The following HRH1 variants were observed in gnomAD, a reference collection of about 807,000 sequenced individuals.
HRH1 encodes the protein histamine H1 receptor.
In HRH1, 6 loss-of-function variants were observed where a neutral mutation model predicts 10.3. The ratio of observed to expected loss-of-function variants is 0.58; its 90% CI spans 0.32 to 1.15. The LOEUF is 1.15. Ranked by LOEUF, HRH1 falls within the 50% of genes most tolerant of loss-of-function variation. The pLI is 0.05. For synonymous variants in HRH1, 242 were observed against 236.7 expected, an observed-to-expected ratio of 1.02 and a Z score of -0.21; for missense variants, 514 against 615.3, an observed-to-expected ratio of 0.84 and a Z score of 1.74.
At chr3:11,241,806 A>G (rs1230279371) in intron 1 of HRH1, among the ~76,000 whole-genome samples, 1 of 151,304 alleles carries the variant, frequency 6.6e-6, no homozygotes, top group Non-Finnish European at 1.5e-5. Context: ...ACTGCATTCC[A>G]GCCTGGGGGA....
intron 1 of HRH1, among the ~76,000 whole-genome samples, chr3:11,157,677 A>G (rs1936840126): frequency 6.6e-6 from 1 of 152,174 alleles, no homozygotes; most frequent in African/African-American, 2.4e-5. Context: ...CTCCAGTGAT[A>G]ATGCAGGGGG....
At chr3:11,167,260 C>T (rs1265047158) in intron 1 of HRH1, among the ~76,000 whole-genome samples, 1 of 148,204 alleles carries the variant, frequency 6.7e-6, no homozygotes, top group African/African-American at 2.5e-5. Flanking sequence ...TTCTCCAGGC[C>T]CGTGACATCT....
chr3:11,234,211 T>G, intron 1 of HRH1: 3 of 1,287,892 alleles, frequency 2.3e-6, no homozygotes, highest in Non-Finnish European at 3.2e-6. Context: ...TTGCAAAAGG[T>G]CCACTCCAAA....
chr3:11,256,577 G>T (rs1207552420), intron 1 of HRH1, among the ~76,000 whole-genome samples: 2 of 152,104 alleles, frequency 1.3e-5, no homozygotes, highest in African/African-American at 4.8e-5. Context: ...GAGGTGGGTG[G>T]ATCATGAGGT....
At position 11,234,432 on chromosome 3, in the gene HRH1, C is replaced by T. The variant is rs148454362; in HGVS notation, c.-35-24571C>T. ...CGGAACCGGTCTACACAGTCTGACC[C>T]CTTGATCTCCTCCGTGCTATAGTGG... On this transcript the variant is annotated intron_variant, in intron 1 of 1. Transcript: ENST00000431010. 456 of 1,603,626 alleles carry T rather than the reference C, an allele frequency of 2.8e-4. 2 individuals are homozygous for T. The highest frequency in any genetic ancestry group is 2.7e-3 in the African/African-American group (203 of 74,814).
intron 1 of HRH1, chr3:11,252,796 G>A (rs376442407): frequency 2.0e-5 from 3 of 152,158 alleles, no homozygotes; most frequent in Admixed American, 2.0e-4. Context: ...GCTTCTAAAG[G>A]AATAGGGTAT....
chr3:11,227,318 G>A (rs977673189), intron 1 of HRH1, among the ~76,000 whole-genome samples: 5 of 149,430 alleles, frequency 3.3e-5, no homozygotes, highest in Admixed American at 1.3e-4. Context: ...GCGGAGTCTC[G>A]CTCTGTCCCC....
chr3:11,196,147 A>T (rs576027505), intron 1 of HRH1, among the ~76,000 whole-genome samples: 15 of 152,220 alleles, frequency 9.9e-5, no homozygotes, highest in African/African-American at 3.6e-4. Flanking sequence ...TGGTGTTCTT[A>T]GGCTGGAGGC....
intron 1 of HRH1, among the ~76,000 whole-genome samples, chr3:11,144,416 T>G (rs1936367526): frequency 6.7e-6 from 1 of 150,306 alleles, no homozygotes; most frequent in African/African-American, 2.4e-5. Context: ...CATACATCTA[T>G]AGGTATATAT....
Position 11,191,497 on chromosome 3 carries a change from A to G in HRH1, c.-36+36943A>G, listed in dbSNP as rs887797320. Among the ~76,000 whole-genome samples the G allele has an allele frequency of 6.6e-5, 10 of 152,340 alleles. No homozygotes were observed. The East Asian group carries it at 1.5e-3, about 24-fold the overall frequency. On this transcript the variant is annotated intron_variant, in intron 1 of 1. Coordinates refer to ENST00000431010, the MANE Select transcript of HRH1 (RefSeq NM_001098212.2). ...GAAGATGGGATTGGTTTGGCAAACC[A>G]TATCTCTTAACTTGCCTGAGTGTCT...
At chr3:11,250,128 C>T (rs1227750841) in intron 1 of HRH1, among the ~76,000 whole-genome samples, 1 of 146,828 alleles carries the variant, frequency 6.8e-6, no homozygotes, top group African/African-American at 2.5e-5. Flanking sequence ...CTGCAGGCTC[C>T]GACTCCCGCG....
At chr3:11,157,066 G>C (rs1166847077) in intron 1 of HRH1, among the ~76,000 whole-genome samples, 1 of 152,240 alleles carries the variant, frequency 6.6e-6, no homozygotes, top group African/African-American at 2.4e-5. Flanking sequence ...ACGCAGTGCA[G>C]CTTGAACTTT....
chr3:11,195,464 C>T (rs1211131139), intron 1 of HRH1, among the ~76,000 whole-genome samples: 9 of 152,142 alleles, frequency 5.9e-5, no homozygotes, highest in Non-Finnish European at 1.3e-4. Context: ...TCCTCAATCC[C>T]CCACCACTGG....
intron 1 of HRH1, among the ~76,000 whole-genome samples, chr3:11,198,897 TCTTTA>T (rs1347471063): frequency 7.2e-6 from 1 of 138,890 alleles, no homozygotes; most frequent in Non-Finnish European, 1.5e-5. Context: ...ACTCTCTCTC[TCTTTA>T]TACACACACA....
At chr3:11,194,117 G>C (rs985627504) in intron 1 of HRH1, among the ~76,000 whole-genome samples, 3 of 152,212 alleles carry the variant, frequency 2.0e-5, no homozygotes, top group Non-Finnish European at 4.4e-5. Context: ...GGGATAAAAT[G>C]GGCTGTGCCC....
intron 1 of HRH1, among the ~76,000 whole-genome samples, chr3:11,250,208 A>ATTTTTT (rs71055857): frequency 6.5e-5 from 7 of 106,888 alleles, no homozygotes; most frequent in Admixed American, 9.9e-5. Context: ...CACCCGGCTA[A>ATTTTTT]TTTTTTTTTT....
intron 1 of HRH1, among the ~76,000 whole-genome samples, chr3:11,204,762 G>A (rs1348699551): frequency 6.6e-6 from 1 of 152,194 alleles, no homozygotes; most frequent in Non-Finnish European, 1.5e-5. Context: ...GCTCAGAAAG[G>A]GTCAGTCCTC....
Position 11,259,605 on chromosome 3 carries a change from T to C in HRH1, c.568T>C (p.Phe190Leu), listed in dbSNP as rs1474152955. 6.2e-7 allele frequency: 1 copy of C among 1,613,972 alleles called. No homozygotes were observed. ...CETDFYDVTW[F>L]KVMTAIINFY... ...GACAGACTTCTATGATGTCACCTGG[T>C]TCAAGGTCATGACTGCCATCATCAA... The change falls in exon 2 of 2, where the codon TTC (phenylalanine) becomes CTC (leucine). Residue 190 changes from phenylalanine to leucine, a missense_variant. By Grantham distance (22) the Phe-to-Leu change is conservative (BLOSUM62 0). Coordinates refer to ENST00000431010, the MANE Select transcript of HRH1 (RefSeq NM_001098212.2). The surrounding 1 kb of genome is among the most constrained non-coding windows in gnomAD (Gnocchi z 4.6).
At chr3:11,174,030 C>T (rs1377767536) in intron 1 of HRH1, among the ~76,000 whole-genome samples, 1 of 152,240 alleles carries the variant, frequency 6.6e-6, no homozygotes, top group Non-Finnish European at 1.5e-5. Context: ...AAAACTCCTA[C>T]TCATCCTTCA....
Sources: gnomAD v4.1 joint callset for allele counts (sites outside exome capture counted in the v4.1 genomes callset) on GRCh38, gnomAD v4.1.1 for gene constraint, Gnocchi (gnomAD v3.1) non-coding constraint, MANE v1.5 for transcripts, NCBI Gene and HGNC (gene_info 2026-07-23, HGNC 2026-07-21) for gene names.